GRIP1: variants seen among roughly 807,000 people sequenced by gnomAD.
GRIP1 encodes glutamate receptor-interacting protein 1.
GRIP1 carries 45 observed loss-of-function variants against 129.9 expected under a neutral mutation model. The ratio of observed to expected loss-of-function variants is 0.35; its 90% confidence interval spans 0.27 to 0.44. GRIP1 has a LOEUF of 0.44. Ranked by LOEUF, GRIP1 falls within the 20% of genes least tolerant of loss-of-function variation. GRIP1 has a pLI of 1.00. For synonymous variants in GRIP1, 530 were observed against 520.8 expected (o/e 1.02, Z -0.24); for missense variants, 1,196 against 1,396.8 (o/e 0.86, Z 2.29).
chr12:66,396,323 C>T (rs2056787513), intron 16 of GRIP1, among the ~76,000 whole-genome samples: 1 of 152,042 alleles, frequency 6.6e-6, no homozygotes, highest in Admixed American at 6.6e-5. Context: ...CCTGGAGACC[C>T]AAGAACCAGT....
chr12:66,933,118 G>C (rs2041427358), intron 1 of GRIP1, among the ~76,000 whole-genome samples: 1 of 152,192 alleles, frequency 6.6e-6, no homozygotes, highest in African/African-American at 2.4e-5. Context: ...CTTACTGGCT[G>C]AGCATAAATT....
At chr12:66,751,382 G>C (rs896180894) in intron 1 of GRIP1, among the ~76,000 whole-genome samples, 5 of 152,140 alleles carry the variant, frequency 3.3e-5, no homozygotes, top group African/African-American at 1.2e-4. Context: ...GGGGTAACCA[G>C]CTATTCTCTC....
chr12:66,942,027 A>G (rs1026632600), intron 1 of GRIP1, among the ~76,000 whole-genome samples: 1 of 152,206 alleles, frequency 6.6e-6, no homozygotes, highest in Admixed American at 6.5e-5. Context: ...GAATGTTATT[A>G]TATCTGCTAG....
intron 1 of GRIP1, among the ~76,000 whole-genome samples, chr12:66,984,166 T>C (rs974661212): frequency 2.0e-5 from 3 of 152,082 alleles, no homozygotes; most frequent in Non-Finnish European, 4.4e-5. Context: ...GAGGAATACA[T>C]AGTTATAATG....
At chr12:66,375,988 AAGGTGGTAC>A (rs1478523157) in intron 22 of GRIP1, among the ~76,000 whole-genome samples, 2 of 152,256 alleles carry the variant, frequency 1.3e-5, no homozygotes, top group African/African-American at 4.8e-5. Context: ...CTACATGCAG[AAGGTGGTAC>A]AGGTTTAAAT....
chr12:66,954,732 G>A (rs1209195310), intron 1 of GRIP1, among the ~76,000 whole-genome samples: 1 of 152,206 alleles, frequency 6.6e-6, no homozygotes, highest in Non-Finnish European at 1.5e-5. Context: ...ATCAGTGAAT[G>A]CAGAGATTCC....
At chr12:66,921,874 C>T (rs1759144411) in intron 1 of GRIP1, among the ~76,000 whole-genome samples, 1 of 152,148 alleles carries the variant, frequency 6.6e-6, no homozygotes, top group Admixed American at 6.5e-5. Context: ...TTAACTTCTT[C>T]TAATCTTTAA....
chr12:66,913,377 C>G (rs985074520), intron 1 of GRIP1, among the ~76,000 whole-genome samples: 10 of 152,094 alleles, frequency 6.6e-5, no homozygotes, highest in Non-Finnish European at 1.3e-4. Context: ...AGAGATGACA[C>G]AAGCCTGAAT....
intron 2 of GRIP1, among the ~76,000 whole-genome samples, chr12:66,593,621 G>T (rs2063925030): frequency 6.6e-6 from 1 of 152,152 alleles, no homozygotes; most frequent in Admixed American, 6.5e-5. Context: ...AGAAGCTTAA[G>T]GTGCCTTCTG....
In GRIP1 at chr12:66,862,551, T is replaced by G. The variant is rs556028758; in HGVS notation, c.58+206499A>C. ...TGTTTTCTTCTTTGTGACACCAAGG[T>G]GCTCTGAAAGCCCCTAGGAAGGAAA... On this transcript the variant is annotated intron_variant, in intron 1 of 1. Transcript: ENST00000643019. Among the ~76,000 whole-genome samples, 9 of 152,176 alleles carry G rather than the reference T, an allele frequency of 5.9e-5. No individual in the cohort carries two copies. The South Asian group carries it at 1.9e-3, about 32-fold the overall frequency.
chr12:66,728,285 C>T (rs918558109), intron 1 of GRIP1, among the ~76,000 whole-genome samples: 1 of 152,178 alleles, frequency 6.6e-6, no homozygotes, highest in Non-Finnish European at 1.5e-5. Context: ...GATTTCTTGT[C>T]TCTTATAAAA....
chr12:66,840,203 AAAT>A (rs1280650927), intron 1 of GRIP1, among the ~76,000 whole-genome samples: 1 of 152,110 alleles, frequency 6.6e-6, no homozygotes, highest in Non-Finnish European at 1.5e-5. Context: ...TGGGGATTTA[AAAT>A]AATAATAATA....
chr12:66,591,335 G>A (rs1030256423), intron 2 of GRIP1, among the ~76,000 whole-genome samples: 2 of 152,042 alleles, frequency 1.3e-5, no homozygotes, highest in Admixed American at 1.3e-4. Context: ...ATAATTTTAG[G>A]TTCTTTCTTA....
rs1448856691 is a variant in GRIP1 at position 66,785,335 on chromosome 12, C to CATATATATAT, written c.-420+18717_-420+18718insATATATATAT. Among the ~76,000 whole-genome samples, 143 of 27,750 alleles carry CATATATATAT rather than the reference C, an allele frequency of 5.2e-3. 1 individual carries two copies. Among genetic ancestry groups the CATATATATAT allele is most frequent in the African/African-American group, 0.011 (123 of 10,836 alleles). The allele number at this position is 27,750 out of a possible 152,430, so 18.2% of individuals were successfully genotyped here. On this transcript the variant is annotated intron_variant, in intron 1 of 4. Transcript: ENST00000538373. Reference sequence around the variant, plus strand: ...ACATACATACATACATACATACATACATACATACATATATATATATATATA... The same window carrying CATATATATAT: ...ACATACATACATACATACATACATACATATATATATATACATACATATATATATATATATA...
At chr12:66,701,881 T>G (rs901215742) in intron 1 of GRIP1, among the ~76,000 whole-genome samples, 1 of 152,242 alleles carries the variant, frequency 6.6e-6, no homozygotes, top group Non-Finnish European at 1.5e-5. Context: ...ACTTTTGCAG[T>G]AGCTATATAC....
At chr12:66,811,074 T>C (rs1407885946) in intron 1 of GRIP1, among the ~76,000 whole-genome samples, 4 of 152,210 alleles carry the variant, frequency 2.6e-5, no homozygotes, top group African/African-American at 4.8e-5. Flanking sequence ...TGTAAATTTA[T>C]TGTGGTTGTT....
At chr12:66,529,935 A>G (rs2061388356) in intron 4 of GRIP1, 21 bp from the exon 5 acceptor site, 2 of 1,396,356 alleles carry the variant, frequency 1.4e-6, no homozygotes, top group South Asian at 2.3e-5. Flanking sequence ...GAAAGAGAGA[A>G]GGAAATATAA....
intron 5 of GRIP1, among the ~76,000 whole-genome samples, chr12:66,521,218 C>T (rs913677095): frequency 2.6e-5 from 4 of 152,100 alleles, no homozygotes; most frequent in Admixed American, 6.5e-5. Context: ...CTTATGACTC[C>T]ATAGTACTTC....
At chr12:66,672,373 G>A (rs2034122892) in intron 1 of GRIP1, among the ~76,000 whole-genome samples, 1 of 152,162 alleles carries the variant, frequency 6.6e-6, no homozygotes, top group Non-Finnish European at 1.5e-5. Flanking sequence ...ATCATTGACT[G>A]AGACATCCAA....
Sources: allele counts gnomAD v4.1 joint callset (sites outside exome capture counted in the v4.1 genomes callset), GRCh38; gene constraint gnomAD v4.1.1; transcripts MANE v1.5; gene names NCBI Gene and HGNC (gene_info 2026-07-23, HGNC 2026-07-21).